ZMAT4: variants seen among roughly 807,000 people sequenced by gnomAD.
ZMAT4 encodes the protein zinc finger matrin-type 4.
A neutral mutation model predicts 28.7 loss-of-function variants in ZMAT4; 17 were observed. The observed-to-expected ratio is 0.59, with a 90% CI of 0.41 to 0.89. The LOEUF (loss-of-function observed/expected upper bound fraction) is 0.89. Among genes scored for constraint, ZMAT4 ranks in the 40% least tolerant of loss-of-function variants. The pLI, the probability that ZMAT4 is intolerant of heterozygous loss-of-function variation, is 0.00. For synonymous variants in ZMAT4, 117 were observed against 109.2 expected (o/e 1.07, Z -0.44); for missense variants, 240 against 283.8 (o/e 0.85, Z 1.11).
intron 4 of ZMAT4, chr8:40,690,970 A>G: frequency 2.1e-6 from 2 of 971,402 alleles, no homozygotes; most frequent in African/African-American, 1.8e-5. Flanking sequence ...TACTTGATTT[A>G]AAGTGTATAA....
At chr8:40,610,912 T>A (rs1435066393) in intron 5 of ZMAT4, among the ~76,000 whole-genome samples, 7 of 144,226 alleles carry the variant, frequency 4.9e-5, no homozygotes, top group African/African-American at 1.8e-4. Flanking sequence ...ATTCTCAGAC[T>A]TAAAAACCAG....
At chr8:40,838,498 A>T (rs546979016) in intron 1 of ZMAT4, among the ~76,000 whole-genome samples, 1 of 152,260 alleles carries the variant, frequency 6.6e-6, no homozygotes, top group Admixed American at 6.5e-5. Context: ...GTGTGCCACC[A>T]TGCCCAGCTA....
chr8:40,845,383 AAAG>A, intron 1 of ZMAT4, among the ~76,000 whole-genome samples: 1 of 152,216 alleles, frequency 6.6e-6, no homozygotes, highest in Non-Finnish European at 1.5e-5. Flanking sequence ...AAGAGGACAA[AAAG>A]TTAGAAGTTA....
chr8:40,549,063 C>G (rs1803288626), intron 6 of ZMAT4, among the ~76,000 whole-genome samples: 1 of 151,938 alleles, frequency 6.6e-6, no homozygotes, highest in East Asian at 1.9e-4. Context: ...AGGCCTCCAC[C>G]CTCATGAATA....
At chr8:40,802,618 G>A (rs1046308250) in intron 2 of ZMAT4, among the ~76,000 whole-genome samples, 1 of 152,088 alleles carries the variant, frequency 6.6e-6, no homozygotes, top group Admixed American at 6.5e-5. Flanking sequence ...ACTCAAGATT[G>A]TCAAGGCATC....
intron 1 of ZMAT4, among the ~76,000 whole-genome samples, chr8:40,870,686 C>A (rs942851691): frequency 1.3e-5 from 2 of 152,204 alleles, no homozygotes; most frequent in Admixed American, 6.5e-5. Context: ...CTGGCACCAA[C>A]ATGTCCTTCA....
chr8:40,733,034 G>C (rs1323956349), intron 3 of ZMAT4, among the ~76,000 whole-genome samples: 1 of 151,646 alleles, frequency 6.6e-6, no homozygotes, highest in East Asian at 1.9e-4. Context: ...CATTATCTTA[G>C]AGGTCTTGCT....
chr8:40,698,711 C>T (rs372191088), intron 3 of ZMAT4, among the ~76,000 whole-genome samples: 24 of 152,306 alleles, frequency 1.6e-4, no homozygotes, highest in African/African-American at 4.8e-4. Context: ...AAATGAATTC[C>T]TTCCTCCTTA....
Position 40,883,157 on chromosome 8 carries a change from T to C in ZMAT4, c.-5+14526A>G, listed in dbSNP as rs575474721. On this transcript the variant is annotated intron_variant, in intron 1 of 6. Coordinates refer to ENST00000297737, the MANE Select transcript of ZMAT4 (RefSeq NM_024645.3). Reference sequence around the variant, plus strand: ...CCCTTGCTGAGGCTCCCTGAGCAAATGCTGTGTGTCCCTTCAGCCTCAGTT... The same window carrying C: ...CCCTTGCTGAGGCTCCCTGAGCAAACGCTGTGTGTCCCTTCAGCCTCAGTT... Among the ~76,000 whole-genome samples the C allele has an allele frequency of 4.1e-3, 619 of 152,248 alleles. 2 individuals are homozygous for C. Among genetic ancestry groups the C allele is most frequent in the Non-Finnish European group, 5.7e-3 (386 of 68,006 alleles).
At position 40,545,314 on chromosome 8, in the gene ZMAT4, C is replaced by T. The variant is rs117614789; in HGVS notation, c.675-13076G>A. 5.1e-4 allele frequency among the ~76,000 whole-genome samples: 77 copies of T among 152,082 alleles called. 1 individual carries two copies. Among genetic ancestry groups the T allele is most frequent in the Non-Finnish European group, 9.7e-4 (66 of 67,992 alleles). On this transcript the variant is annotated intron_variant, in intron 6 of 6. Coordinates refer to ENST00000297737, the MANE Select transcript of ZMAT4 (RefSeq NM_024645.3). ...GCTAGGCCATTCCTGAATTCTGGAC[C>T]CATAGGAACTGTGAGATAATAAATG...
At chr8:40,580,010 C>CTTTTT (rs60027647) in intron 6 of ZMAT4, among the ~76,000 whole-genome samples, 17 of 118,740 alleles carry the variant, frequency 1.4e-4, no homozygotes, top group Non-Finnish European at 2.2e-4. Flanking sequence ...ATGTATTCAT[C>CTTTTT]TTTTTTTTTT....
At chr8:40,641,292 A>T (rs944550010) in intron 5 of ZMAT4, among the ~76,000 whole-genome samples, 6 of 152,226 alleles carry the variant, frequency 3.9e-5, no homozygotes, top group African/African-American at 1.4e-4. Flanking sequence ...AAAAGAGAAG[A>T]TGGCTGAGGC....
chr8:40,845,705 C>CA (rs111322922), intron 1 of ZMAT4, among the ~76,000 whole-genome samples: 6,471 of 107,604 alleles, frequency 0.06, 346 homozygotes, highest in Admixed American at 0.21. Flanking sequence ...CAAGGAATTG[C>CA]AAAAAAAAAA....
chr8:40,665,205 A>G (rs1299983032), intron 5 of ZMAT4, among the ~76,000 whole-genome samples: 1 of 151,994 alleles, frequency 6.6e-6, no homozygotes, highest in Non-Finnish European at 1.5e-5. Context: ...GACTGTCTCA[A>G]AAAAACAAAC....
intron 1 of ZMAT4, among the ~76,000 whole-genome samples, chr8:40,862,523 A>G (rs1817531865): frequency 6.7e-6 from 1 of 149,362 alleles, no homozygotes; most frequent in African/African-American, 2.5e-5. Context: ...ATACATATGT[A>G]ACTAACCTGC....
At chr8:40,558,120 CG>C (rs1803606279) in intron 6 of ZMAT4, among the ~76,000 whole-genome samples, 1 of 152,026 alleles carries the variant, frequency 6.6e-6, no homozygotes, top group Non-Finnish European at 1.5e-5. Context: ...GAAAGAAGGC[CG>C]GCCAGGCTGC....
At chr8:40,839,241 G>A (rs1046293821) in intron 1 of ZMAT4, among the ~76,000 whole-genome samples, 1 of 152,184 alleles carries the variant, frequency 6.6e-6, no homozygotes, top group African/African-American at 2.4e-5. Context: ...CCACCTTCCA[G>A]GTCAGATCCC....
At chr8:40,840,268 C>T (rs920902268) in intron 1 of ZMAT4, among the ~76,000 whole-genome samples, 23 of 152,114 alleles carry the variant, frequency 1.5e-4, no homozygotes, top group African/African-American at 5.6e-4. Context: ...CTGACAGCTG[C>T]AAAGGTGAAA....
chr8:40,795,903 A>G (rs1301472082), intron 2 of ZMAT4, among the ~76,000 whole-genome samples: 1 of 152,224 alleles, frequency 6.6e-6, no homozygotes, highest in Non-Finnish European at 1.5e-5. Flanking sequence ...GAACCTGAAA[A>G]GCAAAAGAAG....
Sources: gnomAD v4.1 joint callset for allele counts (sites outside exome capture counted in the v4.1 genomes callset) on GRCh38, gnomAD v4.1.1 for gene constraint, MANE v1.5 for transcripts, NCBI Gene and HGNC (gene_info 2026-07-23, HGNC 2026-07-21) for gene names.